The following ACSS1 variants were observed in gnomAD, a reference collection of about 807,000 sequenced individuals.
The protein encoded by ACSS1 is acyl-CoA synthetase short chain family member 1.
ACSS1 carries 42 observed loss-of-function variants against 75.3 expected under a neutral mutation model. The ratio of observed to expected loss-of-function variants is 0.56; its 90% CI spans 0.44 to 0.72. The LOEUF is 0.72. Ranked by LOEUF, ACSS1 falls within the 30% of genes least tolerant of loss-of-function variation. ACSS1 has a pLI of 0.00. For missense variants in ACSS1, 782 were observed against 935.7 expected, an observed-to-expected ratio of 0.84 and a Z score of 2.14; for synonymous variants, 380 against 376.8, an observed-to-expected ratio of 1.01 and a Z score of -0.10.
intron 3 of ACSS1, among the ~76,000 whole-genome samples, chr20:25,027,916 T>A (rs1031930454): frequency 9.2e-5 from 14 of 152,008 alleles, no homozygotes; most frequent in African/African-American, 3.1e-4. Context: ...AGCTAATAAA[T>A]CATTAAATTT....
intron 2 of ACSS1, among the ~76,000 whole-genome samples, chr20:25,035,170 C>G (rs1312693693): frequency 6.6e-6 from 1 of 152,026 alleles, no homozygotes; most frequent in African/African-American, 2.4e-5. Flanking sequence ...GCTGGGATTA[C>G]AGGTGTGAGC....
intron 7 of ACSS1, among the ~76,000 whole-genome samples, chr20:25,016,992 C>CT (rs1172105066): frequency 1.1e-3 from 154 of 143,038 alleles, no homozygotes; most frequent in African/African-American, 2.8e-3. Context: ...TTTTTTTTTT[C>CT]TTTTTTTTTG....
intron 8 of ACSS1, among the ~76,000 whole-genome samples, chr20:25,014,581 A>T (rs1296556110): frequency 6.6e-6 from 1 of 152,188 alleles, no homozygotes; most frequent in Non-Finnish European, 1.5e-5. Flanking sequence ...CTTGAGGATG[A>T]GCCCTCAGAT....
intron 1 of ACSS1, among the ~76,000 whole-genome samples, chr20:25,055,534 C>T (rs1295776596): frequency 6.6e-6 from 1 of 152,206 alleles, no homozygotes; most frequent in African/African-American, 2.4e-5. Context: ...GGCGTACAGG[C>T]CAGTGGTTCT....
chr20:25,015,297 T>C, intron 7 of ACSS1, 67 bp from the exon 8 acceptor site: 2 of 1,300,028 alleles, frequency 1.5e-6, no homozygotes, highest in Non-Finnish European at 2.1e-6. Context: ...AAGGGAAGTT[T>C]TGTTTTTTGT....
Position 25,048,090 on chromosome 20 carries a change from G to C in ACSS1, c.426C>G (p.Thr142=), listed in dbSNP as rs1489411848. 2 of 1,613,726 alleles carry C rather than the reference G, an allele frequency of 1.2e-6. No homozygotes were observed. Among genetic ancestry groups the C allele is most frequent in the Admixed American group, 3.3e-5 (2 of 59,990 alleles). The change falls in exon 2 of 14, where the codon ACC becomes ACG. Residue 142 remains threonine, a synonymous_variant. Coordinates refer to ENST00000323482, the MANE Select transcript of ACSS1 (RefSeq NM_032501.4). ...AACATTCGAGGGCACAGTACCTGTA[G>C]GTGATCCTCACTTCCGTTCCAGGCT... The part of the protein sequence containing the change: ...RDEPGTEVRI[T]YRELLETTCR...
At chr20:25,042,587 A>G (rs2089022172) in intron 2 of ACSS1, among the ~76,000 whole-genome samples, 1 of 152,036 alleles carries the variant, frequency 6.6e-6, no homozygotes, top group African/African-American at 2.4e-5. Context: ...ATGTTTTAAT[A>G]AGGGAGTGTG....
rs746893302 is a variant in ACSS1, at chr20:25,007,932, G to A, written c.1900C>T (p.Arg634Cys). The stretch of plus-strand genomic sequence containing the variant: ...TTCCCAGACCTGGTTTTTGGAAGAC[G>A]TTTCACCACCTGGCAAGGAACAGGC... Reference protein sequence around the residue: ...AVPDEILVVKRLPKTRSGKVM... With the variant: ...AVPDEILVVKCLPKTRSGKVM... The change falls in exon 14 of 14, where the codon CGT (arginine) becomes TGT (cysteine). Residue 634 changes from arginine (R) to cysteine (C), a missense_variant. By Grantham distance (180) the Arg-to-Cys change is radical. Transcript: ENST00000323482. The A allele has an allele frequency of 1.1e-5, 18 of 1,613,958 alleles. No homozygotes were observed. Among genetic ancestry groups the A allele is most frequent in the African/African-American group, 2.7e-5 (2 of 74,930 alleles).
chr20:25,047,489 G>A (rs1225270859), intron 2 of ACSS1, among the ~76,000 whole-genome samples: 1 of 152,188 alleles, frequency 6.6e-6, no homozygotes, highest in African/African-American at 2.4e-5. Flanking sequence ...ATACTGACAC[G>A]AAGGCACCCA....
rs1419967712 is a variant in ACSS1 at position 25,013,582 on chromosome 20, A to G, written c.1533T>C (p.Tyr511=). 1 of 1,609,208 alleles carries G rather than the reference A, an allele frequency of 6.2e-7. No homozygotes were observed. ...CGTCCACAAATCGCTGGTGGTCGCC[A>G]TAGATGGTCCTGGCCATGCCCGGCC... ...QAWPGMARTI[Y]GDHQRFVDAY... is the part of the protein sequence containing the mutation. Residue 511 remains tyrosine, a synonymous_variant, in exon 10 of 14, where the codon TAT becomes TAC. Transcript: ENST00000323482.
rs111465974 is a variant in ACSS1, at chr20:25,015,116, C to T, written c.1339+22G>A. Reference sequence around the variant, plus strand: ...TGCAGACCCAGCACTTAGACCGGAACCTGTTCCCCAGGCCTCCTCACCTGT... The same window carrying T: ...TGCAGACCCAGCACTTAGACCGGAATCTGTTCCCCAGGCCTCCTCACCTGT... On this transcript the variant is annotated intron_variant, in intron 8 of 13. Transcript: ENST00000323482. 61 of 1,595,766 alleles carry T rather than the reference C, an allele frequency of 3.8e-5. 1 individual carries two copies. The African/African-American group carries it at 6.4e-4, about 17-fold the overall frequency.
chr20:25,057,335 C>G (rs1254097415), intron 1 of ACSS1, among the ~76,000 whole-genome samples: 2 of 152,264 alleles, frequency 1.3e-5, no homozygotes, highest in Non-Finnish European at 2.9e-5. Context: ...GCAGTGACAA[C>G]CGCCACCGCT....
At chr20:25,009,452 G>T in intron 12 of ACSS1, 64 bp from the exon 13 acceptor site, 1 of 1,359,676 alleles carries the variant, frequency 7.4e-7, no homozygotes, top group Non-Finnish European at 1.1e-6. Context: ...TCCCGAGGCA[G>T]GGTGCTATGC....
chr20:25,047,534 C>T (rs1002915289), intron 2 of ACSS1, among the ~76,000 whole-genome samples: 1 of 152,200 alleles, frequency 6.6e-6, no homozygotes, highest in African/African-American at 2.4e-5. Flanking sequence ...CAAGAAGACC[C>T]TGGAGCTGCC....
At chr20:25,013,940 G>A (rs1314317920) in intron 9 of ACSS1, 21 bp downstream of exon 9, 3 of 1,599,242 alleles carry the variant, frequency 1.9e-6, no homozygotes, top group Admixed American at 3.3e-5. Context: ...TGACCCCCAT[G>A]TGGGGGAGGC....
chr20:25,049,579 G>A (rs1279075954), intron 1 of ACSS1, among the ~76,000 whole-genome samples: 1 of 152,106 alleles, frequency 6.6e-6, no homozygotes, highest in African/African-American at 2.4e-5. Context: ...GTGGCGGCAG[G>A]CTCATGACAC....
At chr20:25,016,272 G>A (rs560469558) in intron 7 of ACSS1, among the ~76,000 whole-genome samples, 6 of 152,284 alleles carry the variant, frequency 3.9e-5, no homozygotes, top group Non-Finnish European at 7.4e-5. Context: ...GGTAACTCTC[G>A]TAACTGGGAG....
chr20:25,016,590 C>T (rs751799432), intron 7 of ACSS1, among the ~76,000 whole-genome samples: 2 of 152,234 alleles, frequency 1.3e-5, no homozygotes, highest in African/African-American at 2.4e-5. Context: ...CAGTGGCCCC[C>T]GCATCCATGC....
intron 1 of ACSS1, among the ~76,000 whole-genome samples, chr20:25,051,246 G>A (rs1009481581): frequency 8.5e-5 from 13 of 152,162 alleles, no homozygotes; most frequent in African/African-American, 2.7e-4. Flanking sequence ...TGCCTGCTGC[G>A]CTCCCTAGGG....
Sources: gnomAD v4.1 joint callset for allele counts (sites outside exome capture counted in the v4.1 genomes callset) on GRCh38, gnomAD v4.1.1 for gene constraint, MANE v1.5 for transcripts, NCBI Gene and HGNC (gene_info 2026-07-23, HGNC 2026-07-21) for gene names.